PABPC4L: variants seen among roughly 807,000 people sequenced by gnomAD.
PABPC4L encodes the protein polyadenylate-binding protein 4-like.
For missense variants in PABPC4L, 452 were observed against 451.4 expected, an observed-to-expected ratio of 1.00 and a Z score of -0.01; for synonymous variants, 169 against 164.1, an observed-to-expected ratio of 1.03 and a Z score of -0.23.
At chr4:134,093,064 T>C in the PABPC4L span, among the ~76,000 whole-genome samples, 1 of 152,094 alleles carries the variant, frequency 6.6e-6, no homozygotes, top group African/African-American at 2.4e-5. Flanking sequence ...ACTGTTAAAA[T>C]GGCCATTTTC....
the PABPC4L span, among the ~76,000 whole-genome samples, chr4:134,073,501 CACA>C: frequency 6.6e-6 from 1 of 152,134 alleles, no homozygotes; most frequent in African/African-American, 2.4e-5. Flanking sequence ...TTTCCATGTG[CACA>C]GTGCAAGCTG....
At chr4:134,038,258 A>T in the PABPC4L span, among the ~76,000 whole-genome samples, 7 of 152,142 alleles carry the variant, frequency 4.6e-5, no homozygotes, top group African/African-American at 1.7e-4. Flanking sequence ...ATTGATGTTC[A>T]TCAGGGATAT....
the PABPC4L span, among the ~76,000 whole-genome samples, chr4:134,127,395 C>T: frequency 7.3e-4 from 111 of 152,198 alleles, no homozygotes; most frequent in African/African-American, 2.5e-3. Flanking sequence ...CTCACAGAGT[C>T]CACTTCACTC....
At chr4:134,150,465 A>G in the PABPC4L span, among the ~76,000 whole-genome samples, 1 of 152,168 alleles carries the variant, frequency 6.6e-6, no homozygotes. Context: ...TATCTGTAGT[A>G]TTAATTTCTA....
the PABPC4L span, among the ~76,000 whole-genome samples, chr4:134,150,692 A>T: frequency 6.6e-6 from 1 of 152,220 alleles, no homozygotes; most frequent in African/African-American, 2.4e-5. Flanking sequence ...CCACGTTCCA[A>T]TCCAAGATAT....
chr4:134,173,448 A>G, the PABPC4L span, among the ~76,000 whole-genome samples: 3,416 of 152,160 alleles, frequency 0.022, 131 homozygotes, highest in African/African-American at 0.077. Flanking sequence ...TAAGTTAAGT[A>G]AGACAGGCAC....
chr4:134,127,790 A>C, the PABPC4L span, among the ~76,000 whole-genome samples: 1 of 152,180 alleles, frequency 6.6e-6, no homozygotes, highest in African/African-American at 2.4e-5. Flanking sequence ...CTATTGATCC[A>C]AACCAAGATG....
the PABPC4L span, among the ~76,000 whole-genome samples, chr4:134,153,673 A>G: frequency 6.6e-6 from 1 of 151,524 alleles, no homozygotes; most frequent in Non-Finnish European, 1.5e-5. Flanking sequence ...CTTAAGATAG[A>G]GTCTTGATCT....
the PABPC4L span, among the ~76,000 whole-genome samples, chr4:134,095,745 G>A: frequency 6.6e-6 from 1 of 151,768 alleles, no homozygotes; most frequent in African/African-American, 2.4e-5. Flanking sequence ...AGCTACCTTG[G>A]CTTCCTTGCA....
the PABPC4L span, among the ~76,000 whole-genome samples, chr4:134,131,007 A>G: frequency 6.6e-6 from 1 of 152,116 alleles, no homozygotes; most frequent in African/African-American, 2.4e-5. Context: ...TATGATTAAA[A>G]CTCACAGCAA....
the PABPC4L span, among the ~76,000 whole-genome samples, chr4:134,049,978 C>T: frequency 1.3e-5 from 2 of 152,086 alleles, no homozygotes; most frequent in East Asian, 1.9e-4. Context: ...GTATTTTAAA[C>T]TCCTTTCACT....
chr4:134,009,909 T>A, the PABPC4L span, among the ~76,000 whole-genome samples: 12 of 152,208 alleles, frequency 7.9e-5, no homozygotes, highest in African/African-American at 2.9e-4. Context: ...TGATCTTAAT[T>A]CTTTTTAGTA....
the PABPC4L span, among the ~76,000 whole-genome samples, chr4:134,068,909 C>A: frequency 6.6e-6 from 1 of 151,966 alleles, no homozygotes; most frequent in Non-Finnish European, 1.5e-5. Flanking sequence ...GAGGTTTCAC[C>A]ATTTTGGCCA....
chr4:134,145,957 G>A, the PABPC4L span, among the ~76,000 whole-genome samples: 2 of 152,032 alleles, frequency 1.3e-5, no homozygotes, highest in East Asian at 3.9e-4. Flanking sequence ...ACAATGTGTT[G>A]AATATGGCAG....
the PABPC4L span, among the ~76,000 whole-genome samples, chr4:134,058,636 C>T: frequency 6.6e-6 from 1 of 151,984 alleles, no homozygotes; most frequent in Non-Finnish European, 1.5e-5. Context: ...ATTCATTCCT[C>T]TAGATGTTTA....
the PABPC4L span, among the ~76,000 whole-genome samples, chr4:134,143,566 T>C: frequency 6.6e-6 from 1 of 150,882 alleles, no homozygotes; most frequent in Admixed American, 6.6e-5. Context: ...ATCTTCGTAA[T>C]AATTTTCTTC....
the PABPC4L span, among the ~76,000 whole-genome samples, chr4:134,046,313 A>G: frequency 6.6e-5 from 10 of 152,276 alleles, no homozygotes; most frequent in Non-Finnish European, 1.2e-4. Context: ...ATGTGCACGT[A>G]GGCCAGATTT....
the PABPC4L span, among the ~76,000 whole-genome samples, chr4:134,036,530 G>T: frequency 6.6e-6 from 1 of 151,970 alleles, no homozygotes; most frequent in Non-Finnish European, 1.5e-5. Flanking sequence ...TTCTCTATGT[G>T]GTATAGCTTA....
chr4:134,124,516 T>C, the PABPC4L span, among the ~76,000 whole-genome samples: 2 of 152,122 alleles, frequency 1.3e-5, no homozygotes, highest in Non-Finnish European at 2.9e-5. Flanking sequence ...TCACCCTGTC[T>C]GTGTGCATAC....
Sources: gnomAD v4.1 joint callset for allele counts (sites outside exome capture counted in the v4.1 genomes callset) on GRCh38, gnomAD v4.1.1 for gene constraint, MANE v1.5 for transcripts, NCBI Gene and HGNC (gene_info 2026-07-23, HGNC 2026-07-21) for gene names.